PGAM1: variants seen among roughly 807,000 people sequenced by gnomAD.
The protein encoded by PGAM1 is BPG-dependent PGAM 1.
PGAM1 carries 21 observed loss-of-function variants against 23.5 expected under a neutral mutation model. That is an observed-to-expected ratio of 0.89 (90% confidence interval 0.63 to 1.29). The LOEUF (loss-of-function observed/expected upper bound fraction) is 1.29. Among genes scored for constraint, PGAM1 ranks in the 50% most tolerant of loss-of-function variants. The probability of loss-of-function intolerance (pLI) is 0.00; values close to 1 mark genes in which losing one functional copy is unlikely to be tolerated. For missense variants in PGAM1, 232 were observed against 336.3 expected (o/e 0.69, Z 2.42); for synonymous variants, 109 against 128.6 (o/e 0.85, Z 1.03).
chr10:97,427,689 G>C, intron 1 of PGAM1: 1 of 1,222,584 alleles, frequency 8.2e-7, no homozygotes, highest in Non-Finnish European at 1.0e-6. Context: ...TGTGGTGTTG[G>C]AATGCTAATA....
In PGAM1 at chr10:97,431,071, G is replaced by T. The variant is rs1363660490; in HGVS notation, c.531G>T (p.Glu177Asp). The stretch of plus-strand genomic sequence containing the variant: ...AAGAAATAGTTCCCCAGATCAAGGA[G>T]GGGAAACGTGTACTGATTGCAGCCC... The part of the protein sequence containing the change: ...WNEEIVPQIK[E>D]GKRVLIAAHG... The change falls in exon 3 of 4, where the codon GAG (glutamate) becomes GAT (aspartate). Residue 177 changes from glutamate (E) to aspartate (D), a missense_variant. By Grantham distance (45) the Glu-to-Asp change is conservative. Around this residue, in one of 3 missense-constraint regions of PGAM1, gnomAD observed 191 missense variants for 241.7 expected, o/e 0.79. Coordinates refer to ENST00000334828, the MANE Select transcript of PGAM1 (RefSeq NM_002629.4). 6.2e-7 allele frequency: 1 copy of T among 1,614,028 alleles called. No individual in the cohort carries two copies. The highest frequency in any genetic ancestry group is 1.3e-5 in the African/African-American group (1 of 74,920).
chr10:97,427,961 AG>A, intron 1 of PGAM1: 1 of 584,348 alleles, frequency 1.7e-6, no homozygotes, highest in Non-Finnish European at 2.9e-6. Context: ...TGGGGTGGGC[AG>A]GGGAGTGATT....
chr10:97,426,216 A>T lies in PGAM1; in HGVS notation c.-92A>T, dbSNP rs2133128625. The stretch of plus-strand genomic sequence containing the variant: ...GAGAACTTGCGCGGGAGCCGGACTG[A>T]GCGGTGCGAGCGCGCAGGCGCGGCC... On this transcript the variant is annotated 5_prime_UTR_variant, in exon 1 of 4. Transcript: ENST00000334828. 2.6e-5 allele frequency: 41 copies of T among 1,583,420 alleles called. No individual in the cohort carries two copies. Among genetic ancestry groups the T allele is most frequent in the Non-Finnish European group, 3.5e-5 (40 of 1,157,834 alleles).
At chr10:97,428,365 C>A (rs1845433763) in intron 1 of PGAM1, among the ~76,000 whole-genome samples, 1 of 152,138 alleles carries the variant, frequency 6.6e-6, no homozygotes, top group African/African-American at 2.4e-5. Flanking sequence ...AACTGAGTTT[C>A]CCCATGCATC....
At chr10:97,430,257 A>G in intron 1 of PGAM1, 122 bp from the exon 2 acceptor site, 3 of 1,229,958 alleles carry the variant, frequency 2.4e-6, no homozygotes, top group South Asian at 1.2e-5. Context: ...CAGTTGGCCA[A>G]ATATTTTCTT....
chr10:97,426,408 G>T lies in PGAM1; in HGVS notation c.101G>T (p.Gly34Val). ...GWYDADLSPA[G>V]HEEAKRGGQA... ...TACGACGCCGACCTGAGCCCGGCGGGCCACGAGGAGGCGAAGCGCGGCGGG... is the reference window on the plus strand; with the variant it reads ...TACGACGCCGACCTGAGCCCGGCGGTCCACGAGGAGGCGAAGCGCGGCGGG... Residue 34 changes from glycine (G) to valine (V), a missense_variant, in exon 1 of 4, where the codon GGC (glycine) becomes GTC (valine). By Grantham distance (109) the Gly-to-Val change is moderately radical. Transcript: ENST00000334828. The T allele has an allele frequency of 6.2e-7, 1 of 1,604,800 alleles. No homozygotes were observed.
chr10:97,431,889 TAA>T (rs549613576), intron 3 of PGAM1, among the ~76,000 whole-genome samples: 41 of 141,670 alleles, frequency 2.9e-4, no homozygotes, highest in Non-Finnish European at 2.4e-4. Context: ...CCTTGTCTCT[TAA>T]AAAAAAAAAA....
At chr10:97,429,092 C>CCTTTT (rs1491389285) in intron 1 of PGAM1, among the ~76,000 whole-genome samples, 17 of 84,764 alleles carry the variant, frequency 2.0e-4, no homozygotes, top group African/African-American at 9.4e-4. Flanking sequence ...AGACTGATTC[C>CCTTTT]TTTTTTTTTT....
In PGAM1 at chr10:97,426,234, G is replaced by A. The variant is rs1845406294; in HGVS notation, c.-74G>A. ...CGGACTGAGCGGTGCGAGCGCGCAG[G>A]CGCGGCCGACGGGGCGGGCTGCTAC... is the stretch of plus-strand genomic sequence containing the variant. On this transcript the variant is annotated 5_prime_UTR_variant, in exon 1 of 4. Coordinates refer to ENST00000334828, the MANE Select transcript of PGAM1 (RefSeq NM_002629.4). 1 of 1,604,672 alleles carries A rather than the reference G, an allele frequency of 6.2e-7. No homozygotes were observed. The highest frequency in any genetic ancestry group is 1.1e-5 in the South Asian group (1 of 90,638).
At chr10:97,430,801 T>TA (rs1456672092) in intron 2 of PGAM1, 148 bp downstream of exon 2, 1 of 1,461,476 alleles carries the variant, frequency 6.8e-7, no homozygotes, top group African/African-American at 1.4e-5. Context: ...TACTAGAAGA[T>TA]ATGGTTGATA....
Position 97,426,442 on chromosome 10 carries a change from A to G in PGAM1, c.135A>G (p.Leu45=), listed in dbSNP as rs1845410665. Residue 45 remains leucine (L), a synonymous_variant, in exon 1 of 4, where the codon CTA becomes CTG. Transcript: ENST00000334828. ...AGGCGAAGCGCGGCGGGCAGGCGCT[A>G]CGAGGTGCGGAGGGGCCGGGTGTGG... ...HEEAKRGGQA[L]RDAGYEFDIC... is the part of the protein sequence containing the mutation. 2.5e-6 allele frequency: 4 copies of G among 1,601,062 alleles called. No homozygotes were observed. The highest frequency in any genetic ancestry group is 3.4e-6 in the Non-Finnish European group (4 of 1,174,844).
intron 1 of PGAM1, chr10:97,427,660 C>T (rs977455594): frequency 5.9e-6 from 7 of 1,195,040 alleles, no homozygotes; most frequent in Middle Eastern, 6.9e-4. Flanking sequence ...CAGGCTTGCT[C>T]CCGCCCCAGT....
In PGAM1 at chr10:97,426,454, GGGGCCGGGTGTGGGCTGCGAA is replaced by G. The variant is rs1159870237; in HGVS notation, c.139+20_139+40del. ...GCGGGCAGGCGCTACGAGGTGCGGAGGGGCCGGGTGTGGGCTGCGAAGGGCCGGGTGTCCGGCCTCGGAGGC... is the reference window on the plus strand; with the variant it reads ...GCGGGCAGGCGCTACGAGGTGCGGAGGGGCCGGGTGTCCGGCCTCGGAGGC... On this transcript the variant is annotated intron_variant, in intron 1 of 3. Transcript: ENST00000334828. 3.8e-6 allele frequency: 6 copies of G among 1,590,516 alleles called. No homozygotes were observed. The highest frequency in any genetic ancestry group is 1.1e-5 in the South Asian group (1 of 89,266).
chr10:97,426,469 C>G lies in PGAM1; in HGVS notation c.139+23C>G. The G allele has an allele frequency of 1.3e-6, 2 of 1,564,788 alleles. 1 individual carries two copies. Among genetic ancestry groups the G allele is most frequent in the African/African-American group, 2.7e-5 (2 of 73,356 alleles). On this transcript the variant is annotated intron_variant, in intron 1 of 3. Transcript: ENST00000334828. Reference sequence around the variant, plus strand: ...GAGGTGCGGAGGGGCCGGGTGTGGGCTGCGAAGGGCCGGGTGTCCGGCCTC... The same window carrying G: ...GAGGTGCGGAGGGGCCGGGTGTGGGGTGCGAAGGGCCGGGTGTCCGGCCTC...
rs186667250 is a variant in PGAM1 at position 97,430,754 on chromosome 10, A to G, written c.414+101A>G. The G allele has an allele frequency of 5.2e-5, 80 of 1,553,224 alleles. No individual in the cohort carries two copies. The African/African-American group carries it at 8.8e-4, about 17-fold the overall frequency. ...CTTACAATTCATGATAAAATAGTTAATTGTAATCCTTCCTTCTCCAGTGAA... is the reference window on the plus strand; with the variant it reads ...CTTACAATTCATGATAAAATAGTTAGTTGTAATCCTTCCTTCTCCAGTGAA... On this transcript the variant is annotated intron_variant, in intron 2 of 3. Coordinates refer to ENST00000334828, the MANE Select transcript of PGAM1 (RefSeq NM_002629.4).
chr10:97,431,191 A>G, intron 3 of PGAM1, 56 bp downstream of exon 3: 1 of 1,601,976 alleles, frequency 6.2e-7, no homozygotes, highest in South Asian at 1.1e-5. Context: ...AACTGCCACA[A>G]ATCAGGGACT....
chr10:97,432,235 C>A, intron 3 of PGAM1, 120 bp from the exon 4 acceptor site: 2 of 1,348,018 alleles, frequency 1.5e-6, no homozygotes, highest in Non-Finnish European at 2.1e-6. Flanking sequence ...CTATAAAGAT[C>A]AGAAAGGGTG....
rs779094728 is a variant in PGAM1 at position 97,426,457 on chromosome 10, G to A, written c.139+11G>A. On this transcript the variant is annotated intron_variant, in intron 1 of 3. Transcript: ENST00000334828. ...GGCAGGCGCTACGAGGTGCGGAGGG[G>A]CCGGGTGTGGGCTGCGAAGGGCCGG... 1 of 1,587,008 alleles carries A rather than the reference G, an allele frequency of 6.3e-7. No individual in the cohort carries two copies. Among genetic ancestry groups the A allele is most frequent in the Non-Finnish European group, 8.6e-7 (1 of 1,167,202 alleles).
intron 1 of PGAM1, 100 bp from the exon 2 acceptor site, chr10:97,430,279 T>C (rs1845455018): frequency 7.0e-7 from 1 of 1,437,218 alleles, no homozygotes. Context: ...TTTGGCCAAA[T>C]ATTGTCATTT....
Sources: allele counts gnomAD v4.1 joint callset (sites outside exome capture counted in the v4.1 genomes callset), GRCh38; gene constraint gnomAD v4.1.1; regional missense constraint gnomAD v4.1.1; transcripts MANE v1.5; gene names NCBI Gene and HGNC (gene_info 2026-07-23, HGNC 2026-07-21).